The following EPS15L1 variants were observed in gnomAD, a reference collection of about 807,000 sequenced individuals.
EPS15L1 encodes epidermal growth factor receptor pathway substrate 15 like 1, also known as epidermal growth factor receptor substrate 15-like 1.
EPS15L1 carries 43 observed loss-of-function variants against 117.1 expected under a neutral mutation model. The observed-to-expected ratio is 0.37, with a 90% confidence interval of 0.29 to 0.47. The LOEUF (loss-of-function observed/expected upper bound fraction) is 0.47. Ranked by LOEUF, EPS15L1 falls within the 20% of genes least tolerant of loss-of-function variation. The probability of loss-of-function intolerance (pLI) is 0.99; values close to 1 mark genes in which losing one functional copy is unlikely to be tolerated. For missense variants in EPS15L1, 981 were observed against 1,164.0 expected (o/e 0.84, Z 2.29); for synonymous variants, 459 against 470.5 (o/e 0.98, Z 0.32).
chr19:16,436,910 A>G, intron 6 of EPS15L1, 27 bp downstream of exon 6: 12 of 1,582,698 alleles, frequency 7.6e-6, no homozygotes, highest in Non-Finnish European at 1.0e-5. Flanking sequence ...AGGAGAGCCA[A>G]GGAGGGAGCT....
intron 13 of EPS15L1, among the ~76,000 whole-genome samples, chr19:16,408,964 G>T (rs2092682480): frequency 6.6e-6 from 1 of 152,112 alleles, no homozygotes; most frequent in Admixed American, 6.6e-5. Context: ...GCTCACACCT[G>T]TAATCCCAAC....
intron 23 of EPS15L1, among the ~76,000 whole-genome samples, chr19:16,361,298 C>G (rs1328371441): frequency 1.3e-5 from 2 of 151,600 alleles, no homozygotes; most frequent in Non-Finnish European, 2.9e-5. Context: ...CTGGCGCGAT[C>G]TGCCTGAAGT....
At chr19:16,448,085 G>A (rs185239823) in intron 1 of EPS15L1, among the ~76,000 whole-genome samples, 5 of 152,128 alleles carry the variant, frequency 3.3e-5, no homozygotes, top group African/African-American at 1.2e-4. Context: ...CTTATGCCTC[G>A]TACAAAATGT....
intron 15 of EPS15L1, among the ~76,000 whole-genome samples, chr19:16,403,112 G>A (rs1055768469): frequency 1.3e-5 from 2 of 152,316 alleles, no homozygotes; most frequent in Non-Finnish European, 2.9e-5. Context: ...CGACACAGGC[G>A]AGGGCCAGTG....
At chr19:16,461,642 G>T (rs182127651) in intron 1 of EPS15L1, among the ~76,000 whole-genome samples, 1 of 152,194 alleles carries the variant, frequency 6.6e-6, no homozygotes, top group African/African-American at 2.4e-5. Flanking sequence ...AAGAAAGAAA[G>T]AAAGAAAAGC....
intron 19 of EPS15L1, among the ~76,000 whole-genome samples, chr19:16,389,381 G>A (rs1432917658): frequency 6.6e-6 from 1 of 152,086 alleles, no homozygotes. Context: ...TTGAGCCCAG[G>A]AGGTTGAGGT....
rs185044105 is a variant in EPS15L1 at position 16,459,424 on chromosome 19, C to T, written c.33+12489G>A. ...GGTGGAGGGATCACGCTGTGCCCTC[C>T]TAGAAGCAGGCCTTCAGTAAATGTC... On this transcript the variant is annotated intron_variant, in intron 1 of 23. Coordinates refer to ENST00000455140, the MANE Select transcript of EPS15L1 (RefSeq NM_001258374.3). 2.2e-4 allele frequency among the ~76,000 whole-genome samples: 34 copies of T among 152,204 alleles called. 1 individual carries two copies. The East Asian group carries it at 6.4e-3, about 29-fold the overall frequency.
intron 23 of EPS15L1, chr19:16,358,091 G>A (rs185550575): frequency 3.7e-4 from 57 of 152,876 alleles, no homozygotes; most frequent in Admixed American, 9.2e-4. Context: ...CCAAGTAACC[G>A]GCCTGCTGGG....
rs1237627945 is a variant in EPS15L1, at chr19:16,365,727, C to T, written c.2381-3743G>A. Among the ~76,000 whole-genome samples, 1 of 152,244 alleles carries T rather than the reference C, an allele frequency of 6.6e-6. No homozygotes were observed. Among genetic ancestry groups the T allele is most frequent in the Non-Finnish European group, 1.5e-5 (1 of 68,038 alleles). ...CCCTCCACGGGAAAGCCCCCCCTCC[C>T]CCAGGGTCCCTCACCACTCTGCTTC... On this transcript the variant is annotated intron_variant, in intron 22 of 23. Coordinates refer to ENST00000455140, the MANE Select transcript of EPS15L1 (RefSeq NM_001258374.3). The surrounding 1 kb of genome is among the most constrained non-coding windows in gnomAD (Gnocchi z 4.9).
At chr19:16,448,565 C>A (rs1313651267) in intron 1 of EPS15L1, among the ~76,000 whole-genome samples, 1 of 143,664 alleles carries the variant, frequency 7.0e-6, no homozygotes, top group African/African-American at 2.7e-5. Flanking sequence ...GGAGAAAGGC[C>A]GGGCGCGGTG....
intron 23 of EPS15L1, among the ~76,000 whole-genome samples, chr19:16,356,148 C>T (rs2091977066): frequency 6.6e-6 from 1 of 152,336 alleles, no homozygotes; most frequent in South Asian, 2.1e-4. Context: ...TGAGGATGGG[C>T]CCTTGACGCT....
intron 1 of EPS15L1, among the ~76,000 whole-genome samples, chr19:16,453,245 G>A (rs1178415650): frequency 1.3e-5 from 2 of 152,052 alleles, no homozygotes; most frequent in African/African-American, 2.4e-5. Flanking sequence ...GTCTATAAGT[G>A]CATGCCACCA....
At position 16,403,733 on chromosome 19, in the gene EPS15L1, C is replaced by G. The variant is rs1484291963; in HGVS notation, c.1626G>C (p.Gln542His). 6.2e-7 allele frequency: 1 copy of G among 1,612,056 alleles called. No individual in the cohort carries two copies. Among genetic ancestry groups the G allele is most frequent in the Non-Finnish European group, 8.5e-7 (1 of 1,179,984 alleles). Residue 542 changes from glutamine (Q) to histidine (H), a missense_variant and splice_region_variant, in exon 15 of 24, where the codon CAG becomes CAC. This residue lies in a region of EPS15L1 where 819 missense variants were observed against 949.0 expected (regional missense o/e 0.86). Coordinates refer to ENST00000455140, the MANE Select transcript of EPS15L1 (RefSeq NM_001258374.3). ...SLKSTQDEIN[Q>H]ARSKLSQLHE... ...GCAGGGACCCGACTCCGTGAAGTAC[C>G]TGGTTGATTTCGTCTTGCGTTGACT...
rs772572896 is a variant in EPS15L1 at position 16,361,912 on chromosome 19, C to G, written c.2453G>C (p.Gly818Ala). The G allele has an allele frequency of 9.9e-6, 16 of 1,614,018 alleles. No individual in the cohort carries two copies. The Admixed American group carries it at 1.2e-4, about 12-fold the overall frequency. Residue 818 changes from glycine to alanine, a missense_variant, in exon 23 of 24, where the codon GGG becomes GCG. By Grantham distance (60) the Gly-to-Ala change is moderately conservative. Around this residue, in one of 5 missense-constraint regions of EPS15L1, gnomAD observed 819 missense variants for 949.0 expected, o/e 0.86. Coordinates refer to ENST00000455140, the MANE Select transcript of EPS15L1 (RefSeq NM_001258374.3). ...TTGGAACGGGTCGCCGCTGTCAGCC[C>G]CGAGTGGCTGGAATGGATCGGGGGC... ...PEAPDPFQPL[G>A]ADSGDPFQSK...
In EPS15L1 at chr19:16,434,496, T is replaced by C. The variant is rs543508451; in HGVS notation, c.373-6A>G. ...AATTTGGCCTTTTCTTCCACCTAGT[T>C]GGAAAGAAATAGCCCGAGTAAGTAG... On this transcript the variant is annotated splice_polypyrimidine_tract_variant and splice_region_variant and intron_variant, in intron 6 of 23. Coordinates refer to ENST00000455140, the MANE Select transcript of EPS15L1 (RefSeq NM_001258374.3). 20 of 1,612,982 alleles carry C rather than the reference T, an allele frequency of 1.2e-5. No homozygotes were observed. The African/African-American group carries it at 2.5e-4, about 20-fold the overall frequency.
At chr19:16,439,268 G>A (rs913147258) in intron 4 of EPS15L1, among the ~76,000 whole-genome samples, 1 of 151,952 alleles carries the variant, frequency 6.6e-6, no homozygotes, top group African/African-American at 2.4e-5. Flanking sequence ...TTTCATCCCT[G>A]CAAGGTCTGA....
chr19:16,369,440 T>C (rs932353443), intron 22 of EPS15L1, among the ~76,000 whole-genome samples: 1 of 152,222 alleles, frequency 6.6e-6, no homozygotes, highest in Non-Finnish European at 1.5e-5. Flanking sequence ...CGCTGTGTTT[T>C]CCTGCCCTGT....
chr19:16,374,674 T>C (rs189392061), intron 22 of EPS15L1, among the ~76,000 whole-genome samples: 1 of 152,100 alleles, frequency 6.6e-6, no homozygotes, highest in African/African-American at 2.4e-5. Context: ...GCGGTTTCCA[T>C]GAAACACTGA....
At chr19:16,393,860 G>A (rs1042760118) in intron 18 of EPS15L1, 91 bp downstream of exon 18, 43 of 1,256,904 alleles carry the variant, frequency 3.4e-5, no homozygotes, top group African/African-American at 2.2e-4. Flanking sequence ...TGCCATCCCC[G>A]GTGTATGTGG....
Sources: allele counts gnomAD v4.1 joint callset (sites outside exome capture counted in the v4.1 genomes callset), GRCh38; gene constraint gnomAD v4.1.1; regional missense constraint gnomAD v4.1.1; non-coding constraint Gnocchi (gnomAD v3.1); transcripts MANE v1.5; gene names NCBI Gene and HGNC (gene_info 2026-07-23, HGNC 2026-07-21).